Variants in ASB13 observed in about 807,000 individuals in gnomAD.
The protein encoded by ASB13 is ankyrin repeat and SOCS box containing 13.
ASB13 carries 33 observed loss-of-function variants against 28.8 expected under a neutral mutation model. The ratio of observed to expected loss-of-function variants is 1.15; its 90% CI spans 0.87 to 1.53. The LOEUF (loss-of-function observed/expected upper bound fraction) is 1.53, where lower values mean the gene tolerates loss of function less well. Among genes scored for constraint, ASB13 ranks in the 40% most tolerant of loss-of-function variants. The pLI is 0.00. For missense variants in ASB13, 414 were observed against 390.1 expected, an observed-to-expected ratio of 1.06 and a Z score of -0.52; for synonymous variants, 182 against 172.9, an observed-to-expected ratio of 1.05 and a Z score of -0.41.
chr10:5,650,420 A>C lies in ASB13; in HGVS notation c.382+793T>G, dbSNP rs536880632. 2.3e-4 allele frequency among the ~76,000 whole-genome samples: 35 copies of C among 152,206 alleles called. No homozygotes were observed. The highest frequency in any genetic ancestry group is 7.5e-4 in the African/African-American group (31 of 41,574). On this transcript the variant is annotated intron_variant, in intron 3 of 5. Transcript: ENST00000357700. The surrounding 1 kb of genome is among the most constrained non-coding windows in gnomAD (Gnocchi z 6.0). ...TGCAGACATGGAAAGACCTACGAGC[A>C]GGAATCAGGGGTGAGCCACATGCAG...
chr10:5,662,595 AGAG>A (rs1452669092), intron 1 of ASB13, among the ~76,000 whole-genome samples: 1 of 142,050 alleles, frequency 7.0e-6, no homozygotes, highest in African/African-American at 2.6e-5. Flanking sequence ...AGAGAAGAGA[AGAG>A]AAGAGAAGAG....
rs1343870330 is a variant in ASB13 at position 5,658,921 on chromosome 10, AG to A, written c.44-5872del. On this transcript the variant is annotated intron_variant, in intron 1 of 5. Transcript: ENST00000357700. This position sits in a 1 kb window ranked among gnomAD's most constrained non-coding sequence, Gnocchi z 4.2. ...CCCCCAAACCACCGATGGCCCTTCC[AG>A]GGGGCGAAGAGACCCACTCTCTTCA... Among the ~76,000 whole-genome samples the A allele has an allele frequency of 3.9e-5, 6 of 152,210 alleles. No individual in the cohort carries two copies. In the East Asian group the frequency reaches 1.2e-3, roughly 29 times the overall value.
At position 5,650,157 on chromosome 10, in the gene ASB13, C is replaced by T. The variant is rs1430074393; in HGVS notation, c.383-1053G>A. 6.6e-6 allele frequency among the ~76,000 whole-genome samples: 1 copy of T among 152,126 alleles called. No homozygotes were observed. Among genetic ancestry groups the T allele is most frequent in the African/African-American group, 2.4e-5 (1 of 41,422 alleles). ...CATACGAAATCCTATGGATTCCTTC[C>T]CCAACCCTACTAAATGAAACCATCC... On this transcript the variant is annotated intron_variant, in intron 3 of 5. Transcript: ENST00000357700. The surrounding 1 kb of genome is among the most constrained non-coding windows in gnomAD (Gnocchi z 6.0).
chr10:5,660,799 G>C lies in ASB13; in HGVS notation c.43+5710C>G, dbSNP rs1177026834. ...CAGTAACTCAATCCTTACCTAAGTC[G>C]GGTGACTGATTGAGTCTCTGCCCAA... is the stretch of plus-strand genomic sequence containing the variant. On this transcript the variant is annotated intron_variant, in intron 1 of 5. Transcript: ENST00000357700. This position sits in a 1 kb window ranked among gnomAD's most constrained non-coding sequence, Gnocchi z 6.1. Among the ~76,000 whole-genome samples the C allele has an allele frequency of 6.6e-6, 1 of 152,034 alleles. No homozygotes were observed. The highest frequency in any genetic ancestry group is 2.4e-5 in the African/African-American group (1 of 41,392).
Position 5,641,802 on chromosome 10 carries a change from C to T in ASB13, c.677G>A (p.Ser226Asn), listed in dbSNP as rs1834810916. Reference sequence around the variant, plus strand: ...GTACTCGAAGCACTTGGCGGGAGCGCTGCTGCTCCACGTGTAGTCAGACGG... The same window carrying T: ...GTACTCGAAGCACTTGGCGGGAGCGTTGCTGCTCCACGTGTAGTCAGACGG... ...KKPSDYTWSS[S>N]APAKCFEYYE... Residue 226 changes from serine to asparagine, a missense_variant, in exon 5 of 6, where the codon AGC (serine) becomes AAC (asparagine). Physicochemically the swap from Ser to Asn is conservative, Grantham distance 46. Coordinates refer to ENST00000357700, the MANE Select transcript of ASB13 (RefSeq NM_024701.4). This position sits in a 1 kb window ranked among gnomAD's most constrained non-coding sequence, Gnocchi z 8.4. The T allele has an allele frequency of 6.2e-7, 1 of 1,608,734 alleles. No homozygotes were observed. The highest frequency in any genetic ancestry group is 2.2e-5 in the East Asian group (1 of 44,722).
In ASB13 at chr10:5,641,797, G is replaced by A; in HGVS notation, c.682C>T (p.Pro228Ser). Residue 228 changes from proline (P) to serine (S), a missense_variant, in exon 5 of 6, where the codon CCC becomes TCC. Coordinates refer to ENST00000357700, the MANE Select transcript of ASB13 (RefSeq NM_024701.4). The surrounding 1 kb of genome is among the most constrained non-coding windows in gnomAD (Gnocchi z 8.4). ...TCGTAGTACTCGAAGCACTTGGCGG[G>A]AGCGCTGCTGCTCCACGTGTAGTCA... is the stretch of plus-strand genomic sequence containing the variant. The part of the protein sequence containing the change: ...PSDYTWSSSA[P>S]AKCFEYYEKT... The A allele has an allele frequency of 6.2e-7, 1 of 1,605,634 alleles. No individual in the cohort carries two copies. The highest frequency in any genetic ancestry group is 8.5e-7 in the Non-Finnish European group (1 of 1,175,872).
At chr10:5,640,918 A>T in intron 5 of ASB13, 88 bp from the exon 6 acceptor site, 1 of 1,514,350 alleles carries the variant, frequency 6.6e-7, no homozygotes, top group Admixed American at 1.7e-5. Context: ...AGGGAATCGG[A>T]AACGCCTCCC....
chr10:5,642,570 G>GC lies in ASB13; in HGVS notation c.518-610_518-609insG. 1 of 1,170,318 alleles carries GC rather than the reference G, an allele frequency of 8.5e-7. No individual in the cohort carries two copies. Among genetic ancestry groups the GC allele is most frequent in the Non-Finnish European group, 1.1e-6 (1 of 935,926 alleles). The allele number at this position is 1,170,318 out of a possible 1,614,324, so 72.5% of individuals were successfully genotyped here. ...TTCATCAAGCTGATTAAAAGTAAAG[G>GC]TAAAAAAAAATTTTTTTTTAAAAAA... is the stretch of plus-strand genomic sequence containing the variant. On this transcript the variant is annotated intron_variant, in intron 4 of 5. Transcript: ENST00000357700. This position sits in a 1 kb window ranked among gnomAD's most constrained non-coding sequence, Gnocchi z 4.1.
At chr10:5,662,540 G>GA (rs1448240543) in intron 1 of ASB13, among the ~76,000 whole-genome samples, 1 of 37,584 alleles carries the variant, frequency 2.7e-5, no homozygotes, top group African/African-American at 1.1e-4. Context: ...GAAGGGGGGG[G>GA]GAGGGGAGGG....
rs1401949881 is a variant in ASB13 at position 5,660,824 on chromosome 10, A to G, written c.43+5685T>C. On this transcript the variant is annotated intron_variant, in intron 1 of 5. Coordinates refer to ENST00000357700, the MANE Select transcript of ASB13 (RefSeq NM_024701.4). The surrounding 1 kb of genome is among the most constrained non-coding windows in gnomAD (Gnocchi z 6.1). ...GGGTGACTGATTGAGTCTCTGCCCA[A>G]TTTTTCTGCTCAGTTCCCGGGCCCT... Among the ~76,000 whole-genome samples, 1 of 151,716 alleles carries G rather than the reference A, an allele frequency of 6.6e-6. No homozygotes were observed. The highest frequency in any genetic ancestry group is 1.9e-4 in the East Asian group (1 of 5,150).
Position 5,651,392 on chromosome 10 carries a change from G to C in ASB13, c.232-29C>G. The C allele has an allele frequency of 6.4e-7, 1 of 1,558,816 alleles. No individual in the cohort carries two copies. Among genetic ancestry groups the C allele is most frequent in the Non-Finnish European group, 8.7e-7 (1 of 1,147,428 alleles). On this transcript the variant is annotated intron_variant, in intron 2 of 5. Coordinates refer to ENST00000357700, the MANE Select transcript of ASB13 (RefSeq NM_024701.4). This position sits in a 1 kb window ranked among gnomAD's most constrained non-coding sequence, Gnocchi z 5.1. Reference sequence around the variant, plus strand: ...ACGGGAGGAAGAAACAAGTGTCAAAGGGCAGAGAAATGCCACGCAACCCAC... The same window carrying C: ...ACGGGAGGAAGAAACAAGTGTCAAACGGCAGAGAAATGCCACGCAACCCAC...
In ASB13 at chr10:5,642,088, C is replaced by T; in HGVS notation, c.518-127G>A. The T allele has an allele frequency of 1.2e-6, 1 of 862,864 alleles. No individual in the cohort carries two copies. Among genetic ancestry groups the T allele is most frequent in the Non-Finnish European group, 1.8e-6 (1 of 561,622 alleles). The allele number at this position is 862,864 out of a possible 1,614,324, so 53.5% of individuals were successfully genotyped here. A position where few individuals can be genotyped will look rare whatever the true frequency, so the allele number is the denominator to read the frequency against. Reference sequence around the variant, plus strand: ...CCCCACCCAGAAGACAAAATCAGGACAGACTCTACCGTAGCTTTCAAAAAT... The same window carrying T: ...CCCCACCCAGAAGACAAAATCAGGATAGACTCTACCGTAGCTTTCAAAAAT... On this transcript the variant is annotated intron_variant, in intron 4 of 5. Transcript: ENST00000357700. This position sits in a 1 kb window ranked among gnomAD's most constrained non-coding sequence, Gnocchi z 4.1.
intron 1 of ASB13, among the ~76,000 whole-genome samples, chr10:5,666,176 T>C (rs988556752): frequency 1.1e-4 from 16 of 151,980 alleles, no homozygotes; most frequent in Admixed American, 9.8e-4. Flanking sequence ...CCCCCGCCAC[T>C]GGGCAACGGC....
At position 5,651,161 on chromosome 10, in the gene ASB13, G is replaced by A. The variant is rs762002919; in HGVS notation, c.382+52C>T. The A allele has an allele frequency of 6.5e-7, 1 of 1,544,678 alleles. No homozygotes were observed. The highest frequency in any genetic ancestry group is 2.4e-5 in the East Asian group (1 of 42,432). ...CCCTAAGTCCCTTTAATCCCAGAAA[G>A]GAGGAAACTTCCAGAGCCCAGCTGG... On this transcript the variant is annotated intron_variant, in intron 3 of 5. Coordinates refer to ENST00000357700, the MANE Select transcript of ASB13 (RefSeq NM_024701.4). The surrounding 1 kb of genome is among the most constrained non-coding windows in gnomAD (Gnocchi z 5.1).
Position 5,644,446 on chromosome 10 carries a change from C to T in ASB13, c.518-2485G>A, listed in dbSNP as rs777029385. Among the ~76,000 whole-genome samples, 9 of 151,996 alleles carry T rather than the reference C, an allele frequency of 5.9e-5. No homozygotes were observed. Among genetic ancestry groups the T allele is most frequent in the Non-Finnish European group, 7.4e-5 (5 of 67,980 alleles). On this transcript the variant is annotated intron_variant, in intron 4 of 5. Coordinates refer to ENST00000357700, the MANE Select transcript of ASB13 (RefSeq NM_024701.4). The surrounding 1 kb of genome is among the most constrained non-coding windows in gnomAD (Gnocchi z 5.1). ...GGGAGGTTGAGGCTGCAGCAAGCCA[C>T]GATCGTACCACTGCACTCCAGCCTG...
chr10:5,661,528 G>A lies in ASB13; in HGVS notation c.43+4981C>T, dbSNP rs542475533. Among the ~76,000 whole-genome samples the A allele has an allele frequency of 1.3e-5, 2 of 152,096 alleles. No individual in the cohort carries two copies. Among genetic ancestry groups the A allele is most frequent in the Non-Finnish European group, 2.9e-5 (2 of 67,978 alleles). On this transcript the variant is annotated intron_variant, in intron 1 of 5. Coordinates refer to ENST00000357700, the MANE Select transcript of ASB13 (RefSeq NM_024701.4). The surrounding 1 kb of genome is among the most constrained non-coding windows in gnomAD (Gnocchi z 4.9). Reference sequence around the variant, plus strand: ...TTATTTATTTTTGAAACAGGGTCTCGCTGTCACCCAAGCTGAAGTGCAGTG... The same window carrying A: ...TTATTTATTTTTGAAACAGGGTCTCACTGTCACCCAAGCTGAAGTGCAGTG...
Position 5,660,246 on chromosome 10 carries a change from G to A in ASB13, c.43+6263C>T, listed in dbSNP as rs1291980581. 3.9e-5 allele frequency among the ~76,000 whole-genome samples: 6 copies of A among 152,198 alleles called. No individual in the cohort carries two copies. The highest frequency in any genetic ancestry group is 9.7e-5 in the African/African-American group (4 of 41,448). ...ACGTCACCTTGAGAAGGAATGACAC[G>A]TGCTTCAGAACGTTCTCTCCACTCT... On this transcript the variant is annotated intron_variant, in intron 1 of 5. Transcript: ENST00000357700. This position sits in a 1 kb window ranked among gnomAD's most constrained non-coding sequence, Gnocchi z 6.1.
intron 5 of ASB13, 117 bp from the exon 6 acceptor site, chr10:5,640,947 T>C (rs1257912611): frequency 7.3e-7 from 1 of 1,376,788 alleles, no homozygotes; most frequent in Admixed American, 2.0e-5. Context: ...GGAACCGGGA[T>C]GTGTCCTGTA....
At chr10:5,648,278 C>T (rs1427500142) in intron 4 of ASB13, among the ~76,000 whole-genome samples, 6 of 150,836 alleles carry the variant, frequency 4.0e-5, no homozygotes, top group East Asian at 2.0e-4. Flanking sequence ...TAAACACCCA[C>T]GTGGGCAAAC....
Sources: allele counts gnomAD v4.1 joint callset (sites outside exome capture counted in the v4.1 genomes callset), GRCh38; gene constraint gnomAD v4.1.1; non-coding constraint Gnocchi (gnomAD v3.1); transcripts MANE v1.5; gene names NCBI Gene and HGNC (gene_info 2026-07-23, HGNC 2026-07-21).